CNTNAP2: variants seen among roughly 807,000 people sequenced by gnomAD.
CNTNAP2 encodes the protein contactin-associated protein-like 2.
CNTNAP2 carries 98 observed loss-of-function variants against 155.2 expected under a neutral mutation model. The observed-to-expected ratio is 0.63, with a 90% CI of 0.54 to 0.75. The LOEUF (loss-of-function observed/expected upper bound fraction) is 0.75, where lower values mean the gene tolerates loss of function less well. CNTNAP2 is among the 30% of genes least tolerant of loss of function. CNTNAP2 has a pLI of 0.00. For synonymous variants in CNTNAP2, 651 were observed against 631.2 expected (o/e 1.03, Z -0.47); for missense variants, 1,727 against 1,688.1 (o/e 1.02, Z -0.40).
At chr7:147,446,130 T>C (rs1797734879) in intron 10 of CNTNAP2, among the ~76,000 whole-genome samples, 1 of 151,444 alleles carries the variant, frequency 6.6e-6, no homozygotes, top group Non-Finnish European at 1.5e-5. Context: ...TTTCTTTTTT[T>C]TTTTTTTTTT....
At chr7:146,974,873 C>G (rs988622562) in intron 3 of CNTNAP2, among the ~76,000 whole-genome samples, 2 of 151,996 alleles carry the variant, frequency 1.3e-5, no homozygotes, top group Admixed American at 1.3e-4. Context: ...GTAGCAGATA[C>G]CCGTAATCCC....
At chr7:147,064,202 A>G (rs1428569848) in intron 4 of CNTNAP2, among the ~76,000 whole-genome samples, 19 of 146,180 alleles carry the variant, frequency 1.3e-4, no homozygotes, top group Admixed American at 1.3e-3. Flanking sequence ...TTAATTTTGG[A>G]GAGTTCCTAG....
intron 3 of CNTNAP2, among the ~76,000 whole-genome samples, chr7:146,853,636 A>T (rs962334106): frequency 2.0e-5 from 3 of 152,122 alleles, no homozygotes; most frequent in Non-Finnish European, 4.4e-5. Flanking sequence ...GAGGTAAGAG[A>T]CCAGGCTTTT....
At chr7:147,060,123 C>T (rs1033365990) in intron 4 of CNTNAP2, among the ~76,000 whole-genome samples, 2 of 151,444 alleles carry the variant, frequency 1.3e-5, no homozygotes, top group Non-Finnish European at 2.9e-5. Context: ...AAAATAAGAG[C>T]GATTATGTAT....
intron 1 of CNTNAP2, among the ~76,000 whole-genome samples, chr7:146,713,171 G>A (rs968069157): frequency 1.3e-5 from 2 of 152,066 alleles, no homozygotes; most frequent in Non-Finnish European, 2.9e-5. Flanking sequence ...AAAAGATACA[G>A]TACAAAATAC....
chr7:148,181,417 G>T (rs78142584), intron 18 of CNTNAP2, among the ~76,000 whole-genome samples: 138 of 152,286 alleles, frequency 9.1e-4, no homozygotes, highest in African/African-American at 3.0e-3. Flanking sequence ...TAAGTGGACA[G>T]AAGTCCACAA....
intron 9 of CNTNAP2, among the ~76,000 whole-genome samples, chr7:147,357,774 T>G (rs1350866323): frequency 6.6e-6 from 1 of 152,112 alleles, no homozygotes; most frequent in Admixed American, 6.6e-5. Context: ...CTTCATACTG[T>G]TAAGTAGTTT....
In CNTNAP2 at chr7:146,725,747, G is replaced by T. The variant is rs575607449; in HGVS notation, c.98-48524G>T. Among the ~76,000 whole-genome samples, 7 of 152,060 alleles carry T rather than the reference G, an allele frequency of 4.6e-5. No homozygotes were observed. The South Asian group carries it at 1.3e-3, about 27-fold the overall frequency. ...CTAATCACTCCAGTGACCCCACCCC[G>T]AGGGACTCAGCATGCGGGAGGAACA... On this transcript the variant is annotated intron_variant, in intron 1 of 23. Coordinates refer to ENST00000361727, the MANE Select transcript of CNTNAP2 (RefSeq NM_014141.6).
intron 9 of CNTNAP2, among the ~76,000 whole-genome samples, chr7:147,338,311 T>TA (rs35085273): frequency 0.16 from 24,894 of 151,032 alleles, 2,364 homozygotes; most frequent in East Asian, 0.36. Context: ...CTTGAAATTT[T>TA]AAAAACTTGA....
chr7:146,929,219 C>T (rs1176452199), intron 3 of CNTNAP2, among the ~76,000 whole-genome samples: 8 of 152,214 alleles, frequency 5.3e-5, no homozygotes, highest in East Asian at 1.9e-4. Flanking sequence ...CTCACACGGC[C>T]GGGTACTCCT....
intron 9 of CNTNAP2, among the ~76,000 whole-genome samples, chr7:147,363,528 A>T (rs907622133): frequency 2.6e-5 from 4 of 152,112 alleles, no homozygotes; most frequent in African/African-American, 9.7e-5. Context: ...TCTTGTACAC[A>T]TTCTTTTTTA....
chr7:147,743,557 C>T (rs1275524962), intron 13 of CNTNAP2, among the ~76,000 whole-genome samples: 1 of 152,168 alleles, frequency 6.6e-6, no homozygotes, highest in Admixed American at 6.5e-5. Context: ...GTTTGGACGC[C>T]TAACTCTTAC....
At chr7:148,037,506 C>G (rs1802592751) in intron 15 of CNTNAP2, among the ~76,000 whole-genome samples, 2 of 152,218 alleles carry the variant, frequency 1.3e-5, no homozygotes, top group African/African-American at 4.8e-5. Context: ...ATTCAATTCA[C>G]TGAACTCTAA....
intron 1 of CNTNAP2, among the ~76,000 whole-genome samples, chr7:146,618,915 C>T (rs1248770012): frequency 2.0e-5 from 3 of 151,816 alleles, no homozygotes; most frequent in South Asian, 2.1e-4. Context: ...ACTAAAGATA[C>T]AAAAATTAGC....
chr7:147,157,635 A>G (rs1801952239), intron 8 of CNTNAP2, among the ~76,000 whole-genome samples: 1 of 151,792 alleles, frequency 6.6e-6, no homozygotes, highest in Non-Finnish European at 1.5e-5. Context: ...TTCCTTTTTA[A>G]CTCTAGCACT....
At chr7:147,390,250 T>A (rs1011552422) in intron 9 of CNTNAP2, among the ~76,000 whole-genome samples, 7 of 152,198 alleles carry the variant, frequency 4.6e-5, no homozygotes, top group African/African-American at 7.2e-5. Context: ...GTGAGTAATC[T>A]TCAGGTTCTA....
intron 1 of CNTNAP2, among the ~76,000 whole-genome samples, chr7:146,629,853 C>T (rs74868883): frequency 0.023 from 3,460 of 152,138 alleles, 48 homozygotes; most frequent in Middle Eastern, 0.041. Flanking sequence ...ATAGGGAATA[C>T]GGTGATGATG....
At chr7:147,818,551 C>T (rs1322622269) in intron 13 of CNTNAP2, among the ~76,000 whole-genome samples, 2 of 152,156 alleles carry the variant, frequency 1.3e-5, no homozygotes, top group Non-Finnish European at 2.9e-5. Context: ...AAAGGAAGCA[C>T]GTGGTCTGTT....
At chr7:146,473,191 G>T (rs1480070702) in intron 1 of CNTNAP2, among the ~76,000 whole-genome samples, 3 of 151,974 alleles carry the variant, frequency 2.0e-5, no homozygotes, top group Non-Finnish European at 4.4e-5. Flanking sequence ...GTCAGGGAAA[G>T]AAAAGGCTTC....
Sources: allele counts gnomAD v4.1 joint callset (sites outside exome capture counted in the v4.1 genomes callset), GRCh38; gene constraint gnomAD v4.1.1; transcripts MANE v1.5; gene names NCBI Gene and HGNC (gene_info 2026-07-23, HGNC 2026-07-21).